The following ATP6V1G2 variants were observed in gnomAD, a reference collection of about 807,000 sequenced individuals.
ATP6V1G2 encodes the protein ATPase H+ transporting V1 subunit G2.
ATP6V1G2 carries 14 observed loss-of-function variants against 17.8 expected under a neutral mutation model. The observed-to-expected ratio is 0.79, with a 90% confidence interval of 0.52 to 1.23. ATP6V1G2 has a LOEUF of 1.23. Among genes scored for constraint, ATP6V1G2 ranks in the 50% most tolerant of loss-of-function variants. ATP6V1G2 has a pLI of 0.00. For missense variants in ATP6V1G2, 112 were observed against 152.2 expected (o/e 0.74, Z 1.39); for synonymous variants, 57 against 54.8 (o/e 1.04, Z -0.17).
rs775879104 is a variant in ATP6V1G2 at position 31,546,603 on chromosome 6, C to T, written c.-44G>A. 2.6e-6 allele frequency: 4 copies of T among 1,562,756 alleles called. No individual in the cohort carries two copies. The highest frequency in any genetic ancestry group is 2.7e-5 in the African/African-American group (2 of 73,852). On this transcript the variant is annotated 5_prime_UTR_variant, in exon 1 of 3. Transcript: ENST00000303892. The surrounding 1 kb of genome is among the most constrained non-coding windows in gnomAD (Gnocchi z 4.1). ...TGCTGTTTTGAATGCTGTCAAAGTA[C>T]CAGATGGCTCCCACCCCCCACCGCT...
rs765015126 is a variant in ATP6V1G2, at chr6:31,546,061, A to G, written c.183+48T>C. ...CACCCTTACACACCTCACTAGATGC[A>G]CCCACCAACTTGCAGTGGGGTCTCA... On this transcript the variant is annotated intron_variant, in intron 2 of 2. Coordinates refer to ENST00000303892, the MANE Select transcript of ATP6V1G2 (RefSeq NM_130463.4). The surrounding 1 kb of genome is among the most constrained non-coding windows in gnomAD (Gnocchi z 4.1). 1 of 1,581,260 alleles carries G rather than the reference A, an allele frequency of 6.3e-7. No individual in the cohort carries two copies. The highest frequency in any genetic ancestry group is 8.7e-7 in the Non-Finnish European group (1 of 1,150,470).
Position 31,545,037 on chromosome 6 carries a change from G to T in ATP6V1G2, c.*371C>A, listed in dbSNP as rs182898730. 5 of 402,136 alleles carry T rather than the reference G, an allele frequency of 1.2e-5. No individual in the cohort carries two copies. The highest frequency in any genetic ancestry group is 5.0e-5 in the East Asian group (1 of 19,814). The allele number at this position is 402,136 out of a possible 1,614,324, so 24.9% of individuals were successfully genotyped here. ...CAGTTTCACAGAGGAGGACATCGAG[G>T]CTACCAAGTTAAGTAGCTTGTCCTG... is the stretch of plus-strand genomic sequence containing the variant. On this transcript the variant is annotated 3_prime_UTR_variant, in exon 3 of 3. Coordinates refer to ENST00000303892, the MANE Select transcript of ATP6V1G2 (RefSeq NM_130463.4). This position sits in a 1 kb window ranked among gnomAD's most constrained non-coding sequence, Gnocchi z 4.9.
In ATP6V1G2 at chr6:31,546,094, T is replaced by G; in HGVS notation, c.183+15A>C. 1 of 1,613,888 alleles carries G rather than the reference T, an allele frequency of 6.2e-7. No homozygotes were observed. The highest frequency in any genetic ancestry group is 8.5e-7 in the Non-Finnish European group (1 of 1,179,890). Reference sequence around the variant, plus strand: ...ACTTGCAGTGGGGTCTCAACCCGACTCTGCCTCAACTCACCGCCTGCTGCT... The same window carrying G: ...ACTTGCAGTGGGGTCTCAACCCGACGCTGCCTCAACTCACCGCCTGCTGCT... On this transcript the variant is annotated intron_variant, in intron 2 of 2. Coordinates refer to ENST00000303892, the MANE Select transcript of ATP6V1G2 (RefSeq NM_130463.4). The surrounding 1 kb of genome is among the most constrained non-coding windows in gnomAD (Gnocchi z 4.1).
chr6:31,544,869 C>A lies in ATP6V1G2; in HGVS notation c.*539G>T, dbSNP rs1322550195. The A allele has an allele frequency of 2.3e-6, 1 of 433,368 alleles. No homozygotes were observed. The highest frequency in any genetic ancestry group is 2.7e-5 in the Admixed American group (1 of 37,702). The allele number at this position is 433,368 out of a possible 1,614,324, so 26.8% of individuals were successfully genotyped here. A position where few individuals can be genotyped will look rare whatever the true frequency, so the allele number is the denominator to read the frequency against. The stretch of plus-strand genomic sequence containing the variant: ...GAGGAAACAGCTGTGTAGGTTTTGA[C>A]CAGTGAGCAGGTGGTGGTAATAGTA... On this transcript the variant is annotated 3_prime_UTR_variant, in exon 3 of 3. Transcript: ENST00000303892.
chr6:31,546,321 T>TTCTCTCA lies in ATP6V1G2; in HGVS notation c.83-113_83-112insTGAGAGA. ...TACAGCCTTCTCTCAGCCAACCAGG[T>TTCTCTCA]GCCAGATTCTAATATCCATCCATTT... On this transcript the variant is annotated intron_variant, in intron 1 of 2. Transcript: ENST00000303892. This position sits in a 1 kb window ranked among gnomAD's most constrained non-coding sequence, Gnocchi z 4.1. The TTCTCTCA allele has an allele frequency of 6.3e-6, 8 of 1,270,918 alleles. No homozygotes were observed. Among genetic ancestry groups the TTCTCTCA allele is most frequent in the Non-Finnish European group, 9.0e-6 (8 of 886,004 alleles). 78.7% of individuals were successfully genotyped at this position (1,270,918 alleles called of 1,614,324 possible).
chr6:31,544,563 A>G lies in ATP6V1G2; in HGVS notation c.*845T>C. On this transcript the variant is annotated 3_prime_UTR_variant, in exon 3 of 3. Transcript: ENST00000303892. ...AGGAAGGGCATGCATATGAGGGAAC[A>G]CAGTATCATTTTAGATCTTAGAAAG... is the stretch of plus-strand genomic sequence containing the variant. 2.7e-6 allele frequency: 1 copy of G among 373,780 alleles called. No homozygotes were observed. Among genetic ancestry groups the G allele is most frequent in the Admixed American group, 3.4e-5 (1 of 29,514 alleles). 23.2% of individuals were successfully genotyped at this position (373,780 alleles called of 1,614,324 possible).
In ATP6V1G2 at chr6:31,545,261, T is replaced by G. The variant is rs1213192420; in HGVS notation, c.*147A>C. The G allele has an allele frequency of 3.2e-6, 3 of 930,560 alleles. No homozygotes were observed. Among genetic ancestry groups the G allele is most frequent in the Non-Finnish European group, 1.6e-6 (1 of 625,200 alleles). The allele number at this position is 930,560 out of a possible 1,614,324, so 57.6% of individuals were successfully genotyped here. On this transcript the variant is annotated 3_prime_UTR_variant, in exon 3 of 3. Transcript: ENST00000303892. This position sits in a 1 kb window ranked among gnomAD's most constrained non-coding sequence, Gnocchi z 4.9. ...GATTCAGATGTGAGCAGGATATTTATAAGTGTCACAGGAAAATTATTGGAT... is the reference window on the plus strand; with the variant it reads ...GATTCAGATGTGAGCAGGATATTTAGAAGTGTCACAGGAAAATTATTGGAT...
chr6:31,545,701 AC>A lies in ATP6V1G2; in HGVS notation c.184-121del. The A allele has an allele frequency of 1.8e-6, 2 of 1,099,098 alleles. No homozygotes were observed. The highest frequency in any genetic ancestry group is 1.3e-6 in the Non-Finnish European group (1 of 787,038). 68.1% of individuals were successfully genotyped at this position (1,099,098 alleles called of 1,614,324 possible). ...TAGAAGAAAGGCCCTCTCAGAAACC[AC>A]CCCCATCCCACAGAAATATCCCAAC... is the stretch of plus-strand genomic sequence containing the variant. On this transcript the variant is annotated intron_variant, in intron 2 of 2. Coordinates refer to ENST00000303892, the MANE Select transcript of ATP6V1G2 (RefSeq NM_130463.4). This position sits in a 1 kb window ranked among gnomAD's most constrained non-coding sequence, Gnocchi z 4.9.
upstream of ATP6V1G2, chr6:31,546,721 C>T: frequency 3.2e-6 from 2 of 631,606 alleles, no homozygotes; most frequent in Non-Finnish European, 5.6e-6. This position sits in a 1 kb window ranked among gnomAD's most constrained non-coding sequence, Gnocchi z 4.1. Context: ...CCGAGTGTCT[C>T]TCCCAATCTC....
chr6:31,546,208 C>T lies in ATP6V1G2; in HGVS notation c.84G>A (p.Arg28=). The T allele has an allele frequency of 1.2e-6, 2 of 1,613,898 alleles. No individual in the cohort carries two copies. Among genetic ancestry groups the T allele is most frequent in the South Asian group, 2.2e-5 (2 of 91,074 alleles). Reference sequence around the variant, plus strand: ...TTGCCTGCTTCAGTCGCCGGGCCTTCCCTGGAGGCAGAAGAAAGGACAGTG... The same window carrying T: ...TTGCCTGCTTCAGTCGCCGGGCCTTTCCTGGAGGCAGAAGAAAGGACAGTG... ...AAEKVADARK[R]KARRLKQAKE... The change falls in exon 2 of 3, where the codon AGG becomes AGA. Residue 28 remains arginine (R), a splice_region_variant and synonymous_variant. Transcript: ENST00000303892. This position sits in a 1 kb window ranked among gnomAD's most constrained non-coding sequence, Gnocchi z 4.1.
Position 31,545,521 on chromosome 6 carries a change from G to A in ATP6V1G2, c.244C>T (p.Gln82Ter). 1 of 1,614,034 alleles carries A rather than the reference G, an allele frequency of 6.2e-7. No homozygotes were observed. The change falls in exon 3 of 3, where the codon CAG (glutamine) becomes TAG (stop). Residue 82 changes from glutamine to a stop codon, truncating the protein, a stop_gained. Coordinates refer to ENST00000303892, the MANE Select transcript of ATP6V1G2 (RefSeq NM_130463.4). LOFTEE classifies it high-confidence loss of function. This position sits in a 1 kb window ranked among gnomAD's most constrained non-coding sequence, Gnocchi z 4.9. ...EVEQATRRQV[Q>*]GMQSSQQRNR... ...CTCTGCTGGGAGCTCTGCATGCCCT[G>A]CACCTGGCGCCTTGTAGCCTGCTCC...
chr6:31,544,646 C>T lies in ATP6V1G2; in HGVS notation c.*762G>A, dbSNP rs1768814324. The T allele has an allele frequency of 2.2e-6, 1 of 446,278 alleles. No individual in the cohort carries two copies. The highest frequency in any genetic ancestry group is 4.5e-6 in the Non-Finnish European group (1 of 224,622). 27.6% of individuals were successfully genotyped at this position (446,278 alleles called of 1,614,324 possible). ...GGAAAGGAGGAAAATCTAATAAAGA[C>T]AAAGATCAGCAAAAGAAAAACAAAG... On this transcript the variant is annotated 3_prime_UTR_variant, in exon 3 of 3. Coordinates refer to ENST00000303892, the MANE Select transcript of ATP6V1G2 (RefSeq NM_130463.4).
In ATP6V1G2 at chr6:31,545,992, T is replaced by A. The variant is rs1462979650; in HGVS notation, c.183+117A>T. ...ACCAATGTTGTGGTCCCTGCCAGGG[T>A]CCCCTCAGCCTCAGCCCTCTGCCAC... On this transcript the variant is annotated intron_variant, in intron 2 of 2. Coordinates refer to ENST00000303892, the MANE Select transcript of ATP6V1G2 (RefSeq NM_130463.4). The surrounding 1 kb of genome is among the most constrained non-coding windows in gnomAD (Gnocchi z 4.9). The A allele has an allele frequency of 3.0e-6, 3 of 989,674 alleles. No homozygotes were observed. Among genetic ancestry groups the A allele is most frequent in the Non-Finnish European group, 4.8e-6 (3 of 623,754 alleles). The allele number at this position is 989,674 out of a possible 1,614,324, so 61.3% of individuals were successfully genotyped here. A position where few individuals can be genotyped will look rare whatever the true frequency, so the allele number is the denominator to read the frequency against.
rs1322606784 is a variant in ATP6V1G2 at position 31,546,307 on chromosome 6, C to T, written c.83-98G>A. On this transcript the variant is annotated intron_variant, in intron 1 of 2. Transcript: ENST00000303892. This position sits in a 1 kb window ranked among gnomAD's most constrained non-coding sequence, Gnocchi z 4.1. ...CTTCCAGAAAGTTATACAGCCTTCT[C>T]TCAGCCAACCAGGTGCCAGATTCTA... 7.5e-7 allele frequency: 1 copy of T among 1,335,930 alleles called. No individual in the cohort carries two copies. Among genetic ancestry groups the T allele is most frequent in the Non-Finnish European group, 1.1e-6 (1 of 939,232 alleles). The allele number at this position is 1,335,930 out of a possible 1,614,324, so 82.8% of individuals were successfully genotyped here. A position where few individuals can be genotyped will look rare whatever the true frequency, so the allele number is the denominator to read the frequency against.
chr6:31,545,770 A>G lies in ATP6V1G2; in HGVS notation c.184-189T>C. ...AGTCCCCTTTCCCCTTAGACCTAAC[A>G]TGCAACTTCATCCTAAAACAGACCG... On this transcript the variant is annotated intron_variant, in intron 2 of 2. Coordinates refer to ENST00000303892, the MANE Select transcript of ATP6V1G2 (RefSeq NM_130463.4). This position sits in a 1 kb window ranked among gnomAD's most constrained non-coding sequence, Gnocchi z 4.9. The G allele has an allele frequency of 1.5e-6, 1 of 666,660 alleles. No individual in the cohort carries two copies. The allele number at this position is 666,660 out of a possible 1,614,324, so 41.3% of individuals were successfully genotyped here.
Position 31,545,594 on chromosome 6 carries a change from G to A in ATP6V1G2, c.184-13C>T. On this transcript the variant is annotated splice_polypyrimidine_tract_variant and intron_variant, in intron 2 of 2. Transcript: ENST00000303892. The surrounding 1 kb of genome is among the most constrained non-coding windows in gnomAD (Gnocchi z 4.9). ...GGGAGCCCATGGCCTGGGGGGTAGG[G>A]AGAGGGGTGGAAGAGAGAAAGGGAA... 1 of 1,612,726 alleles carries A rather than the reference G, an allele frequency of 6.2e-7. No homozygotes were observed. Among genetic ancestry groups the A allele is most frequent in the Non-Finnish European group, 8.5e-7 (1 of 1,179,542 alleles).
At position 31,546,197 on chromosome 6, in the gene ATP6V1G2, C is replaced by G; in HGVS notation, c.95G>C (p.Arg32Pro). Residue 32 changes from arginine (R) to proline (P), a missense_variant, in exon 2 of 3, where the codon CGA becomes CCA. Transcript: ENST00000303892. This position sits in a 1 kb window ranked among gnomAD's most constrained non-coding sequence, Gnocchi z 4.1. ...VADARKRKARRLKQAKEEAQM... is the reference protein window; with the variant it reads ...VADARKRKARPLKQAKEEAQM... ...TGCCTCCTCCTTTGCCTGCTTCAGT[C>G]GCCGGGCCTTCCCTGGAGGCAGAAG... 6.2e-7 allele frequency: 1 copy of G among 1,613,984 alleles called. No homozygotes were observed. Among genetic ancestry groups the G allele is most frequent in the Non-Finnish European group, 8.5e-7 (1 of 1,180,018 alleles).
In ATP6V1G2 at chr6:31,546,226, G is replaced by C; in HGVS notation, c.83-17C>G. 1 of 1,611,382 alleles carries C rather than the reference G, an allele frequency of 6.2e-7. No individual in the cohort carries two copies. Among genetic ancestry groups the C allele is most frequent in the African/African-American group, 1.3e-5 (1 of 74,972 alleles). ...GGGCCTTCCCTGGAGGCAGAAGAAA[G>C]GACAGTGAGTGGGGATGGACCCACA... On this transcript the variant is annotated splice_polypyrimidine_tract_variant and intron_variant, in intron 1 of 2. Transcript: ENST00000303892. This position sits in a 1 kb window ranked among gnomAD's most constrained non-coding sequence, Gnocchi z 4.1.
At position 31,545,318 on chromosome 6, in the gene ATP6V1G2, G is replaced by C; in HGVS notation, c.*90C>G. The C allele has an allele frequency of 7.0e-7, 1 of 1,427,542 alleles. No homozygotes were observed. The highest frequency in any genetic ancestry group is 2.4e-5 in the East Asian group (1 of 42,360). The allele number at this position is 1,427,542 out of a possible 1,614,324, so 88.4% of individuals were successfully genotyped here. A position where few individuals can be genotyped will look rare whatever the true frequency, so the allele number is the denominator to read the frequency against. On this transcript the variant is annotated 3_prime_UTR_variant, in exon 3 of 3. Transcript: ENST00000303892. The surrounding 1 kb of genome is among the most constrained non-coding windows in gnomAD (Gnocchi z 4.9). ...TCCCAGGATTTCTAGGGGATGGAAA[G>C]AAGACAGGGATTATGGTGGGAGGTG...
Sources: allele counts gnomAD v4.1 joint callset, GRCh38; gene constraint gnomAD v4.1.1; non-coding constraint Gnocchi (gnomAD v3.1); transcripts MANE v1.5; gene names NCBI Gene and HGNC (gene_info 2026-07-23, HGNC 2026-07-21).